SERPINE2: variants seen among roughly 807,000 people sequenced by gnomAD.
The protein encoded by SERPINE2 is glia-derived nexin.
In SERPINE2, 14 loss-of-function variants were observed where a neutral mutation model predicts 36.3. The ratio of observed to expected loss-of-function variants is 0.39; its 90% CI spans 0.25 to 0.60. SERPINE2 has a LOEUF of 0.60. Among genes scored for constraint, SERPINE2 ranks in the 20% least tolerant of loss-of-function variants. The probability of loss-of-function intolerance (pLI) is 0.57; values close to 1 mark genes in which losing one functional copy is unlikely to be tolerated. For synonymous variants in SERPINE2, 192 were observed against 191.8 expected, an observed-to-expected ratio of 1.00 and a Z score of -0.01; for missense variants, 418 against 499.6, an observed-to-expected ratio of 0.84 and a Z score of 1.56.
chr2:224,036,792 A>G (rs1357184751), intron 1 of SERPINE2, among the ~76,000 whole-genome samples: 2 of 152,094 alleles, frequency 1.3e-5, no homozygotes, highest in East Asian at 1.9e-4. Flanking sequence ...TGAGCTGAGG[A>G]TGCAGGGACA....
intron 1 of SERPINE2, among the ~76,000 whole-genome samples, chr2:224,026,230 G>C (rs1550308): frequency 6.6e-6 from 1 of 152,028 alleles, no homozygotes; most frequent in Admixed American, 6.5e-5. Flanking sequence ...CGCCCACTTC[G>C]GGCTTTATAC....
chr2:224,018,482 A>C (rs1559216176), intron 1 of SERPINE2, among the ~76,000 whole-genome samples: 1 of 152,086 alleles, frequency 6.6e-6, no homozygotes, highest in African/African-American at 2.4e-5. Context: ...GTTTAGAAAT[A>C]AATCTGAGCT....
At chr2:223,995,499 G>C (rs13396978) in intron 3 of SERPINE2, among the ~76,000 whole-genome samples, 2 of 152,182 alleles carry the variant, frequency 1.3e-5, no homozygotes, top group African/African-American at 2.4e-5. Context: ...TGCTTCTCCC[G>C]TGGCTTTTCA....
At chr2:224,031,370 T>C (rs1280146173) in intron 1 of SERPINE2, 1 of 985,326 alleles carries the variant, frequency 1.0e-6, no homozygotes, top group Non-Finnish European at 1.2e-6. Context: ...GGCACGAGGC[T>C]CTAGGAGACC....
intron 1 of SERPINE2, among the ~76,000 whole-genome samples, chr2:224,022,812 T>C (rs1461949292): frequency 6.6e-6 from 1 of 152,228 alleles, no homozygotes; most frequent in African/African-American, 2.4e-5. Flanking sequence ...ATAATCCCCC[T>C]GTGCCAAGGG....
intron 1 of SERPINE2, among the ~76,000 whole-genome samples, chr2:224,018,957 A>C (rs1344239370): frequency 6.6e-6 from 1 of 152,186 alleles, no homozygotes. Context: ...TGACTCTAAA[A>C]TCTGAGTCAA....
chr2:223,991,763 C>T, intron 4 of SERPINE2, 40 bp downstream of exon 4: 1 of 1,605,826 alleles, frequency 6.2e-7, no homozygotes, highest in Non-Finnish European at 8.5e-7. Context: ...TTTCTGCCGC[C>T]AGCACATCCT....
chr2:223,983,736 ATGTGTGTG>A (rs71058971), intron 5 of SERPINE2, among the ~76,000 whole-genome samples: 83 of 82,826 alleles, frequency 1.0e-3, no homozygotes, highest in African/African-American at 2.3e-3. Context: ...ATGTGTGTAT[ATGTGTGTG>A]TGTGTGTGTG....
At chr2:224,019,770 A>ATTTTTTTTTTTTTTT (rs1261601893) in intron 1 of SERPINE2, among the ~76,000 whole-genome samples, 1 of 129,286 alleles carries the variant, frequency 7.7e-6, no homozygotes. Context: ...TTTTTTAAAA[A>ATTTTTTTTTTTTTTT]AAAAAAAAGA....
intron 1 of SERPINE2, among the ~76,000 whole-genome samples, chr2:224,010,937 T>C (rs939690825): frequency 6.6e-6 from 1 of 152,220 alleles, no homozygotes; most frequent in African/African-American, 2.4e-5. Context: ...GTCTGTATCT[T>C]TATAACTTCC....
chr2:224,021,900 C>A (rs1673164664), intron 1 of SERPINE2, among the ~76,000 whole-genome samples: 3 of 152,108 alleles, frequency 2.0e-5, no homozygotes, highest in Admixed American at 6.5e-5. Flanking sequence ...TGGCTCACGC[C>A]TGTAATCCCA....
chr2:223,992,646 A>G (rs1289314514), intron 3 of SERPINE2, among the ~76,000 whole-genome samples: 1 of 152,258 alleles, frequency 6.6e-6, no homozygotes, highest in African/African-American at 2.4e-5. Flanking sequence ...CAAGGTGCTA[A>G]TATTAGAGAC....
At chr2:224,025,987 G>A (rs1248856045) in intron 1 of SERPINE2, among the ~76,000 whole-genome samples, 1 of 152,214 alleles carries the variant, frequency 6.6e-6, no homozygotes, top group East Asian at 1.9e-4. Context: ...TAGCCTTCAA[G>A]GTAGGTGGGC....
chr2:223,991,857 C>T lies in SERPINE2; in HGVS notation c.631G>A (p.Asp211Asn), dbSNP rs141535304. 95 of 1,613,152 alleles carry T rather than the reference C, an allele frequency of 5.9e-5. No individual in the cohort carries two copies. The African/African-American group carries it at 1.0e-3, about 17-fold the overall frequency. Reference protein sequence around the residue: ...NTKKRTFVAADGKSYQVPMLA... With the variant: ...NTKKRTFVAANGKSYQVPMLA... Reference sequence around the variant, plus strand: ...ATTGGCACTTGATAGGATTTCCCGTCGGCTGCCACGAAAGTGCGTTTCTTT... The same window carrying T: ...ATTGGCACTTGATAGGATTTCCCGTTGGCTGCCACGAAAGTGCGTTTCTTT... Residue 211 changes from aspartate (D) to asparagine (N), a missense_variant, in exon 4 of 9, where the codon GAC becomes AAC. Coordinates refer to ENST00000409304, the MANE Select transcript of SERPINE2 (RefSeq NM_001136528.2).
In SERPINE2 at chr2:223,975,901, G is replaced by A; in HGVS notation, c.1160C>T (p.Ala387Val). 3 of 1,595,000 alleles carry A rather than the reference G, an allele frequency of 1.9e-6. No homozygotes were observed. The highest frequency in any genetic ancestry group is 2.6e-6 in the Non-Finnish European group (3 of 1,167,354). Reference protein sequence around the residue: ...LFFIRHNPTGAVLFMGQINKP With the variant: ...LFFIRHNPTGVVLFMGQINKP Reference sequence around the variant, plus strand: ...GTTTATCTGCCCCATGAATAACACAGCACCTACAGAATTAAAAGAAAACAA... The same window carrying A: ...GTTTATCTGCCCCATGAATAACACAACACCTACAGAATTAAAAGAAAACAA... The change falls in exon 9 of 9, where the codon GCT (alanine) becomes GTT (valine). Residue 387 changes from alanine to valine, a missense_variant. Ala to Val is a moderately conservative substitution (Grantham distance 64). Transcript: ENST00000409304.
At chr2:224,015,348 A>C (rs1393267320) in intron 1 of SERPINE2, among the ~76,000 whole-genome samples, 1 of 152,126 alleles carries the variant, frequency 6.6e-6, no homozygotes, top group African/African-American at 2.4e-5. Flanking sequence ...GGCAGTGGCC[A>C]GGGAAGTGCT....
At chr2:224,029,633 G>T (rs1034795221) in intron 1 of SERPINE2, among the ~76,000 whole-genome samples, 3 of 152,180 alleles carry the variant, frequency 2.0e-5, no homozygotes, top group Non-Finnish European at 4.4e-5. Context: ...GAAGCCTCTG[G>T]ATGCTACCCT....
chr2:223,997,626 G>A (rs762188554), intron 3 of SERPINE2, among the ~76,000 whole-genome samples: 26 of 151,992 alleles, frequency 1.7e-4, no homozygotes, highest in Non-Finnish European at 3.7e-4. Context: ...GGCTGTAATC[G>A]GGGGGGTGTA....
intron 1 of SERPINE2, among the ~76,000 whole-genome samples, chr2:224,005,065 T>TA (rs1553547020): frequency 0.056 from 1,813 of 32,634 alleles, 49 homozygotes; most frequent in Non-Finnish European, 0.091. Context: ...TTTATATATA[T>TA]TATATATATA....
Sources: gnomAD v4.1 joint callset for allele counts (sites outside exome capture counted in the v4.1 genomes callset) on GRCh38, gnomAD v4.1.1 for gene constraint, MANE v1.5 for transcripts, NCBI Gene and HGNC (gene_info 2026-07-23, HGNC 2026-07-21) for gene names.